SZT2: variants seen among roughly 807,000 people sequenced by gnomAD.
SZT2 encodes the protein KICSTOR complex protein SZT2.
Under a neutral mutation model 404.2 loss-of-function variants are expected in SZT2, and 216 were observed. That is an observed-to-expected ratio of 0.53 (90% confidence interval 0.48 to 0.60). The LOEUF (loss-of-function observed/expected upper bound fraction) is 0.60. SZT2 is among the 20% of genes least tolerant of loss of function. The pLI is 0.00. For synonymous variants in SZT2, 1,693 were observed against 1,749.9 expected (o/e 0.97, Z 0.81); for missense variants, 3,857 against 4,459.2 (o/e 0.86, Z 3.85).
intron 1 of SZT2, among the ~76,000 whole-genome samples, chr1:43,397,934 G>T (rs139613557): frequency 4.5e-4 from 69 of 152,324 alleles, no homozygotes; most frequent in Middle Eastern, 6.8e-3. Flanking sequence ...GACAGTCATG[G>T]AAAGGTTCAT....
At chr1:43,434,092 A>G (rs1654209513) in intron 40 of SZT2, among the ~76,000 whole-genome samples, 1 of 152,188 alleles carries the variant, frequency 6.6e-6, no homozygotes, top group Admixed American at 6.5e-5. Flanking sequence ...TTGAGAAGAA[A>G]GAAGAGGTGC....
chr1:43,403,555 G>A (rs766087036), intron 2 of SZT2, 46 bp from the exon 3 acceptor site: 10 of 1,589,372 alleles, frequency 6.3e-6, no homozygotes, highest in African/African-American at 1.3e-5. Flanking sequence ...GGGAAGAAAG[G>A]GATACTTCGC....
rs754798540 is a variant in SZT2, at chr1:43,437,688, T to C, written c.6384T>C (p.Ser2128=). ...CCCGAAGCCAAGAGCCCATCTACTC[T>C]GAGGAAGCCTCGGCATGTATCACTC... ...ALSRSQEPIY[S]EEASGPRSPL... is the part of the protein sequence containing the mutation. The change falls in exon 45 of 72, where the codon TCT becomes TCC. Residue 2128 remains serine, a synonymous_variant. Coordinates refer to ENST00000634258, the MANE Select transcript of SZT2 (RefSeq NM_001365999.1). This position sits in a 1 kb window ranked among gnomAD's most constrained non-coding sequence, Gnocchi z 5.3. 7.4e-6 allele frequency: 12 copies of C among 1,614,150 alleles called. No homozygotes were observed. The highest frequency in any genetic ancestry group is 6.6e-5 in the South Asian group (6 of 91,082).
At chr1:43,410,536 CAGAGTA>C (rs910008153) in intron 4 of SZT2, 1 of 111,892 alleles carries the variant, frequency 8.9e-6, no homozygotes, top group Non-Finnish European at 1.7e-5. Context: ...GCCTGGCCGA[CAGAGTA>C]AGACTCTGTC....
Position 43,452,053 on chromosome 1 carries a change from A to G in SZT2, c.*1573A>G, listed in dbSNP as rs926588550. 10 of 1,577,552 alleles carry G rather than the reference A, an allele frequency of 6.3e-6. No homozygotes were observed. In the African/African-American group the frequency reaches 1.2e-4, roughly 19 times the overall value. ...GGTGCTGTGAATAGAGCTCCTTCCC[A>G]AGTTTGTCCCCCATCAGTCAGTCAC... On this transcript the variant is annotated 3_prime_UTR_variant, in exon 72 of 72. Coordinates refer to ENST00000634258, the MANE Select transcript of SZT2 (RefSeq NM_001365999.1).
At position 43,425,734 on chromosome 1, in the gene SZT2, C is replaced by G; in HGVS notation, c.2814+92C>G. On this transcript the variant is annotated intron_variant, in intron 19 of 71. Transcript: ENST00000634258. The surrounding 1 kb of genome is among the most constrained non-coding windows in gnomAD (Gnocchi z 4.3). Reference sequence around the variant, plus strand: ...CTGCAGTCTGTGGGCTTCCTGGTCCCTCTGAATGGCTGGGACTGTTGAAGC... The same window carrying G: ...CTGCAGTCTGTGGGCTTCCTGGTCCGTCTGAATGGCTGGGACTGTTGAAGC... The G allele has an allele frequency of 1.3e-6, 2 of 1,594,830 alleles. No homozygotes were observed. The highest frequency in any genetic ancestry group is 2.2e-5 in the East Asian group (1 of 44,624).
rs775747042 is a variant in SZT2, at chr1:43,434,426, C to T, written c.5845C>T (p.Arg1949Cys). 12 of 1,598,870 alleles carry T rather than the reference C, an allele frequency of 7.5e-6. No homozygotes were observed. Among genetic ancestry groups the T allele is most frequent in the African/African-American group, 5.3e-5 (4 of 74,850 alleles). ...GGATGGGGGGCCGGGCACTGAGTGT[C>T]GCCACCTGCAGCAGCTCCTGGTGAG... is the stretch of plus-strand genomic sequence containing the variant. ...REDGGPGTECRHLQQLLVRRV... is the reference protein window; with the variant it reads ...REDGGPGTECCHLQQLLVRRV... Residue 1949 changes from arginine to cysteine, a missense_variant, in exon 41 of 72, where the codon CGC becomes TGC. Transcript: ENST00000634258.
At chr1:43,392,702 C>T (rs776398274) in intron 1 of SZT2, among the ~76,000 whole-genome samples, 2 of 152,174 alleles carry the variant, frequency 1.3e-5, no homozygotes, top group African/African-American at 2.4e-5. Context: ...CGTGAGCCAC[C>T]GTGCCCAGCC....
At chr1:43,433,905 T>G (rs1226697656) in intron 40 of SZT2, among the ~76,000 whole-genome samples, 1 of 152,206 alleles carries the variant, frequency 6.6e-6, no homozygotes, top group Admixed American at 6.5e-5. Flanking sequence ...GTCCTTATCA[T>G]ATGGGTGAAG....
intron 3 of SZT2, 177 bp downstream of exon 3, chr1:43,403,951 T>A (rs549178069): frequency 2.1e-5 from 15 of 711,238 alleles, no homozygotes; most frequent in African/African-American, 1.9e-4. Context: ...GACTCATGCC[T>A]ACAATCCCAG....
chr1:43,424,925 C>T lies in SZT2; in HGVS notation c.2550+63C>T. ...CTGTCATAATCCCAGGGACACTCACCTCTGAGCTGGGTTGGGACTGCTGGA... is the reference window on the plus strand; with the variant it reads ...CTGTCATAATCCCAGGGACACTCACTTCTGAGCTGGGTTGGGACTGCTGGA... On this transcript the variant is annotated intron_variant, in intron 17 of 71. Transcript: ENST00000634258. The surrounding 1 kb of genome is among the most constrained non-coding windows in gnomAD (Gnocchi z 4.1). 1.3e-6 allele frequency: 2 copies of T among 1,567,242 alleles called. No individual in the cohort carries two copies. The highest frequency in any genetic ancestry group is 1.8e-6 in the Non-Finnish European group (2 of 1,138,430).
intron 42 of SZT2, chr1:43,436,576 T>C (rs1321628117): frequency 1.3e-5 from 2 of 153,360 alleles, no homozygotes; most frequent in Admixed American, 6.5e-5. Context: ...CTGTTCACAC[T>C]TGACAGCAGC....
In SZT2 at chr1:43,437,517, C is replaced by T. The variant is rs1253168385; in HGVS notation, c.6290+9C>T. The stretch of plus-strand genomic sequence containing the variant: ...GCTGTGTACTATCTTCGGTATGTGG[C>T]CCTTGGAAGGTGGGTAGGGCATGAA... On this transcript the variant is annotated intron_variant, in intron 44 of 71. Transcript: ENST00000634258. This position sits in a 1 kb window ranked among gnomAD's most constrained non-coding sequence, Gnocchi z 5.3. 6.2e-7 allele frequency: 1 copy of T among 1,613,948 alleles called. No individual in the cohort carries two copies.
At chr1:43,429,462 C>T in intron 28 of SZT2, 1 of 467,806 alleles carries the variant, frequency 2.1e-6, no homozygotes, top group Non-Finnish European at 3.9e-6. Flanking sequence ...TGCACTCCTA[C>T]CTCAGCAACA....
At chr1:43,399,071 C>T (rs1451389096) in intron 1 of SZT2, among the ~76,000 whole-genome samples, 8 of 151,520 alleles carry the variant, frequency 5.3e-5, no homozygotes, top group Non-Finnish European at 7.4e-5. Context: ...CAGAGCGAGA[C>T]TCCGTCTCAA....
rs754265422 is a variant in SZT2 at position 43,440,067 on chromosome 1, C to T, written c.7210+19C>T. On this transcript the variant is annotated intron_variant, in intron 51 of 71. Coordinates refer to ENST00000634258, the MANE Select transcript of SZT2 (RefSeq NM_001365999.1). ...CCCACAGGTATGCAAGTCAAGAGGT[C>T]CCTGGGGTCCAGAGAATGTCACAGA... 2 of 1,613,454 alleles carry T rather than the reference C, an allele frequency of 1.2e-6. No individual in the cohort carries two copies. The highest frequency in any genetic ancestry group is 1.7e-6 in the Non-Finnish European group (2 of 1,179,758).
Position 43,426,382 on chromosome 1 carries a change from C to T in SZT2, c.3058C>T (p.Pro1020Ser), listed in dbSNP as rs974624736. ...GTGTCGGGCAGAGCCAGAGGGTGTC[C>T]CTTTCGCCGAGGGGTCCTGTCCTGC... Reference protein sequence around the residue: ...LLLAREPEGVPFAEGSCPAND... With the variant: ...LLLAREPEGVSFAEGSCPAND... The change falls in exon 22 of 72, where the codon CCT becomes TCT. Residue 1020 changes from proline to serine, a missense_variant. Pro to Ser is a moderately conservative substitution (Grantham distance 74, BLOSUM62 -1). Transcript: ENST00000634258. This position sits in a 1 kb window ranked among gnomAD's most constrained non-coding sequence, Gnocchi z 4.9. 1.5e-5 allele frequency: 23 copies of T among 1,563,380 alleles called. No homozygotes were observed. The African/African-American group carries it at 2.8e-4, about 19-fold the overall frequency.
Position 43,433,323 on chromosome 1 carries a change from C to G in SZT2, c.5804+133C>G, listed in dbSNP as rs1305398915. ...CTTGGGTAGAGATCCAACTTGTATTCTTAGGTTGGTGGTTCCCGATCACTT... is the reference window on the plus strand; with the variant it reads ...CTTGGGTAGAGATCCAACTTGTATTGTTAGGTTGGTGGTTCCCGATCACTT... On this transcript the variant is annotated intron_variant, in intron 40 of 71. Coordinates refer to ENST00000634258, the MANE Select transcript of SZT2 (RefSeq NM_001365999.1). 3 of 906,682 alleles carry G rather than the reference C, an allele frequency of 3.3e-6. No individual in the cohort carries two copies. The African/African-American group carries it at 5.0e-5, about 15-fold the overall frequency. 56.2% of individuals were successfully genotyped at this position (906,682 alleles called of 1,614,324 possible). A position where few individuals can be genotyped will look rare whatever the true frequency, so the allele number is the denominator to read the frequency against.
At chr1:43,422,662 G>GCCCCCCCCCCCCCC in intron 13 of SZT2, 30 bp downstream of exon 13, 1 of 1,231,814 alleles carries the variant, frequency 8.1e-7, no homozygotes, top group Non-Finnish European at 1.0e-6. Context: ...TTCACCCCCC[G>GCCCCCCCCCCCCCC]CCCCCCCACC....
Sources: allele counts gnomAD v4.1 joint callset (sites outside exome capture counted in the v4.1 genomes callset), GRCh38; gene constraint gnomAD v4.1.1; non-coding constraint Gnocchi (gnomAD v3.1); transcripts MANE v1.5; gene names NCBI Gene and HGNC (gene_info 2026-07-23, HGNC 2026-07-21).